The following KDM4C variants were observed in gnomAD, a reference collection of about 807,000 sequenced individuals.
KDM4C encodes the protein lysine-specific demethylase 4C.
KDM4C carries 81 observed loss-of-function variants against 129.3 expected under a neutral mutation model. That is an observed-to-expected ratio of 0.63 (90% CI 0.52 to 0.75). The LOEUF is 0.75. Ranked by LOEUF, KDM4C falls within the 30% of genes least tolerant of loss-of-function variation. The pLI, the probability that KDM4C is intolerant of heterozygous loss-of-function variation, is 0.00. For synonymous variants in KDM4C, 573 were observed against 456.1 expected, an observed-to-expected ratio of 1.26 and a Z score of -3.26; for missense variants, 1,457 against 1,304.0, an observed-to-expected ratio of 1.12 and a Z score of -1.81.
chr9:6,901,550 C>T (rs1285374287), intron 8 of KDM4C, among the ~76,000 whole-genome samples: 1 of 152,208 alleles, frequency 6.6e-6, no homozygotes, highest in South Asian at 2.1e-4. Context: ...AGTGTGAGAA[C>T]TAGGCTCATC....
At position 6,945,477 on chromosome 9, in the gene KDM4C, G is replaced by C. The variant is rs185681326; in HGVS notation, c.922-35448G>C. Among the ~76,000 whole-genome samples, 4 of 152,178 alleles carry C rather than the reference G, an allele frequency of 2.6e-5. No individual in the cohort carries two copies. In the East Asian group the frequency reaches 7.7e-4, roughly 29 times the overall value. ...TTATTTGCCTAAATGTTTGTATCTT[G>C]AACTCATGATTAGGGAGAAAGTGTT... On this transcript the variant is annotated intron_variant, in intron 8 of 21. Transcript: ENST00000381309.
chr9:7,141,820 T>C (rs1433108344), intron 19 of KDM4C, among the ~76,000 whole-genome samples: 1 of 152,120 alleles, frequency 6.6e-6, no homozygotes, highest in Non-Finnish European at 1.5e-5. Context: ...CTTTTTCTTT[T>C]ACATAGAATG....
At chr9:6,737,143 CAAAT>C (rs1253849191) in intron 1 of KDM4C, among the ~76,000 whole-genome samples, 2 of 143,194 alleles carry the variant, frequency 1.4e-5, no homozygotes, top group African/African-American at 5.2e-5. Context: ...AAAAAACAAA[CAAAT>C]AAATATAATT....
chr9:6,984,223 G>A lies in KDM4C; in HGVS notation c.1173G>A (p.Val391=). ...CTAAGGCTGATGAGGAAGAGGAAGTGTCAGATGAAGTCGATGGGGCAGAGG... is the reference window on the plus strand; with the variant it reads ...CTAAGGCTGATGAGGAAGAGGAAGTATCAGATGAAGTCGATGGGGCAGAGG... ...KRPKADEEEE[V]SDEVDGAEVP... Residue 391 remains valine (V), a synonymous_variant, in exon 10 of 22, where the codon GTG becomes GTA. Transcript: ENST00000381309. 7 of 1,613,896 alleles carry A rather than the reference G, an allele frequency of 4.3e-6. No homozygotes were observed. The highest frequency in any genetic ancestry group is 5.9e-6 in the Non-Finnish European group (7 of 1,179,818).
chr9:6,835,003 G>T (rs1835615528), intron 4 of KDM4C: 2 of 954,350 alleles, frequency 2.1e-6, no homozygotes, highest in South Asian at 1.3e-5. Flanking sequence ...TGGCTGGCCG[G>T]GACCTGACTA....
At chr9:6,988,978 G>A (rs1229403040) in intron 11 of KDM4C, among the ~76,000 whole-genome samples, 2 of 151,764 alleles carry the variant, frequency 1.3e-5, no homozygotes, top group African/African-American at 4.8e-5. Flanking sequence ...CATTTATTAT[G>A]TATTCCCTTA....
chr9:6,770,950 A>G (rs1313052064), intron 1 of KDM4C, among the ~76,000 whole-genome samples: 2 of 150,312 alleles, frequency 1.3e-5, no homozygotes, highest in East Asian at 2.0e-4. Flanking sequence ...TAATTTTTGT[A>G]TTTTCAGTAG....
intron 10 of KDM4C, 142 bp from the exon 11 acceptor site, chr9:6,986,202 G>A (rs1210983586): frequency 3.3e-6 from 2 of 613,250 alleles, no homozygotes; most frequent in African/African-American, 3.7e-5. Context: ...AATGAGGTTT[G>A]TTTTGTGTGT....
chr9:7,031,702 G>A (rs930147028), intron 15 of KDM4C, among the ~76,000 whole-genome samples: 20 of 152,060 alleles, frequency 1.3e-4, no homozygotes, highest in Admixed American at 7.2e-4. Context: ...GTGTGTGTGT[G>A]TATAAAATAT....
intron 17 of KDM4C, among the ~76,000 whole-genome samples, chr9:7,064,692 C>A (rs1292396167): frequency 6.6e-6 from 1 of 152,124 alleles, no homozygotes; most frequent in Non-Finnish European, 1.5e-5. Context: ...TCCTTGTAGA[C>A]CATCTGGGTG....
Position 6,893,211 on chromosome 9 carries a change from C to T in KDM4C, c.900C>T (p.Asp300=). The T allele has an allele frequency of 1.2e-6, 2 of 1,609,826 alleles. No homozygotes were observed. Among genetic ancestry groups the T allele is most frequent in the Non-Finnish European group, 1.7e-6 (2 of 1,178,216 alleles). ...STNFATVRWI[D]YGKVAKLCTC... is the part of the protein sequence containing the mutation. ...ATTTTGCTACTGTCAGATGGATTGA[C>T]TATGGAAAAGTTGCCAAATTGGTAA... The change falls in exon 8 of 22, where the codon GAC becomes GAT. Residue 300 remains aspartate, a synonymous_variant. Coordinates refer to ENST00000381309, the MANE Select transcript of KDM4C (RefSeq NM_015061.6).
At chr9:6,856,539 CG>C (rs1839846804) in intron 5 of KDM4C, among the ~76,000 whole-genome samples, 11 of 131,546 alleles carry the variant, frequency 8.4e-5, no homozygotes, top group African/African-American at 3.2e-4. Flanking sequence ...TCTCTGTGTG[CG>C]TGTGTGTGTG....
At chr9:6,990,381 A>G (rs1818511901) in intron 11 of KDM4C, 35 bp from the exon 12 acceptor site, 3 of 1,321,902 alleles carry the variant, frequency 2.3e-6, no homozygotes, top group African/African-American at 1.5e-5. Context: ...GTTTTTGATA[A>G]TGGTATTTCT....
intron 19 of KDM4C, among the ~76,000 whole-genome samples, chr9:7,136,167 C>G (rs1056234903): frequency 5.9e-5 from 9 of 152,190 alleles, no homozygotes; most frequent in African/African-American, 2.2e-4. Context: ...AATGTTTACT[C>G]CCTGTCTGCA....
At chr9:7,055,256 G>GC (rs1299545560) in intron 17 of KDM4C, among the ~76,000 whole-genome samples, 2 of 152,200 alleles carry the variant, frequency 1.3e-5, no homozygotes, top group Non-Finnish European at 2.9e-5. Flanking sequence ...GTAGCACAGT[G>GC]CCTTTGGTTT....
intron 19 of KDM4C, among the ~76,000 whole-genome samples, chr9:7,137,895 A>G (rs949652336): frequency 2.0e-5 from 3 of 152,356 alleles, no homozygotes; most frequent in Non-Finnish European, 4.4e-5. Flanking sequence ...TATTTTGGCA[A>G]TAGAGTGAAC....
At chr9:7,029,946 A>C (rs542598944) in intron 15 of KDM4C, among the ~76,000 whole-genome samples, 1 of 152,122 alleles carries the variant, frequency 6.6e-6, no homozygotes, top group Non-Finnish European at 1.5e-5. Flanking sequence ...CAGTTGTGCT[A>C]TGTCCTTCTA....
chr9:6,966,297 C>G (rs1183155256), intron 8 of KDM4C, among the ~76,000 whole-genome samples: 1 of 152,154 alleles, frequency 6.6e-6, no homozygotes, highest in Non-Finnish European at 1.5e-5. Flanking sequence ...ATTCTCCTGC[C>G]TCAGCCTCCT....
In KDM4C at chr9:6,770,820, G is replaced by C. The variant is rs556235294; in HGVS notation, c.-18+12617G>C. On this transcript the variant is annotated intron_variant, in intron 1 of 21. Transcript: ENST00000381309. The stretch of plus-strand genomic sequence containing the variant: ...AGATGGAATCTCGCTCTGTCGCTCA[G>C]GCTGGAATGCAGTGGCGCAATCTTG... Among the ~76,000 whole-genome samples the C allele has an allele frequency of 4.3e-5, 6 of 139,484 alleles. No homozygotes were observed. The East Asian group carries it at 8.4e-4, about 20-fold the overall frequency. 91.5% of individuals were successfully genotyped at this position (139,484 alleles called of 152,430 possible).
Sources: allele counts gnomAD v4.1 joint callset (sites outside exome capture counted in the v4.1 genomes callset), GRCh38; gene constraint gnomAD v4.1.1; transcripts MANE v1.5; gene names NCBI Gene and HGNC (gene_info 2026-07-23, HGNC 2026-07-21).